The following DDX24 variants were observed in gnomAD, a reference collection of about 807,000 sequenced individuals.
The protein encoded by DDX24 is ATP-dependent RNA helicase DDX24.
In DDX24, 24 loss-of-function variants were observed where a neutral mutation model predicts 68.9. That is an observed-to-expected ratio of 0.35 (90% confidence interval 0.25 to 0.49). The LOEUF (loss-of-function observed/expected upper bound fraction) is 0.49. DDX24 is among the 20% of genes least tolerant of loss of function. DDX24 has a pLI of 0.99. For synonymous variants in DDX24, 395 were observed against 385.2 expected, an observed-to-expected ratio of 1.03 and a Z score of -0.30; for missense variants, 989 against 1,039.0, an observed-to-expected ratio of 0.95 and a Z score of 0.66.
In DDX24 at chr14:94,062,411, G is replaced by T; in HGVS notation, c.929C>A (p.Pro310His). Reference protein sequence around the residue: ...DDTVIESEALPSDIAAEARAK... With the variant: ...DDTVIESEALHSDIAAEARAK... ...TCTGGCCTCGGCTGCAATATCACTG[G>T]GCAGTGCTTCACTCTCAATTACAGT... Residue 310 changes from proline to histidine, a missense_variant, in exon 3 of 9, where the codon CCC (proline) becomes CAC (histidine). Pro to His is a moderately conservative substitution (Grantham distance 77). Coordinates refer to ENST00000621632, the MANE Select transcript of DDX24 (RefSeq NM_020414.4). 1.2e-6 allele frequency: 2 copies of T among 1,614,108 alleles called. No homozygotes were observed. The highest frequency in any genetic ancestry group is 1.7e-6 in the Non-Finnish European group (2 of 1,180,044).
At chr14:94,073,779 C>T (rs1293122703) in intron 2 of DDX24, among the ~76,000 whole-genome samples, 2 of 152,086 alleles carry the variant, frequency 1.3e-5, no homozygotes, top group Admixed American at 6.5e-5. Flanking sequence ...TGTGGCGGCT[C>T]ATGCTTGTAA....
At chr14:94,054,874 A>G (rs1292767025) in intron 7 of DDX24, 122 bp downstream of exon 7, 6 of 1,100,942 alleles carry the variant, frequency 5.4e-6, no homozygotes, top group South Asian at 1.6e-5. Context: ...CTCCTTGTTC[A>G]GCTGTTGGCA....
At position 94,060,983 on chromosome 14, in the gene DDX24, C is replaced by T. The variant is rs749892903; in HGVS notation, c.1327G>A (p.Ala443Thr). ...AATTCCCACAGCCGGCCTGGAGTAG[C>T]AACCACAATCTCAGGACGACGGTTC... ...MLNRRPEIVV[A>T]TPGRLWELIK... The change falls in exon 4 of 9, where the codon GCT becomes ACT. Residue 443 changes from alanine (A) to threonine (T), a missense_variant. By Grantham distance (58) the Ala-to-Thr change is moderately conservative. Transcript: ENST00000621632. The T allele has an allele frequency of 6.2e-7, 1 of 1,614,230 alleles. No individual in the cohort carries two copies. The highest frequency in any genetic ancestry group is 8.5e-7 in the Non-Finnish European group (1 of 1,180,038).
At chr14:94,059,028 G>A (rs998791111) in intron 5 of DDX24, among the ~76,000 whole-genome samples, 24 of 152,096 alleles carry the variant, frequency 1.6e-4, no homozygotes, top group Admixed American at 5.2e-4. Context: ...GAGCCCGTGA[G>A]TTCAAGTCTA....
rs1466654346 is a variant in DDX24 at position 94,079,070 on chromosome 14, G to A, written c.673C>T (p.Pro225Ser). The change falls in exon 2 of 9, where the codon CCT becomes TCT. Residue 225 changes from proline to serine, a missense_variant. By Grantham distance (74) the Pro-to-Ser change is moderately conservative. Around this residue, in one of 3 missense-constraint regions of DDX24, gnomAD observed 295 missense variants for 263.0 expected, o/e 1.12. Coordinates refer to ENST00000621632, the MANE Select transcript of DDX24 (RefSeq NM_020414.4). The stretch of plus-strand genomic sequence containing the variant: ...ATGTCCAGTTTGTCACGGATGGCAG[G>A]TGCCAAGGTCAGGGCTTGGATTGGT... ...PTPIQALTLAPAIRDKLDILG... is the reference protein window; with the variant it reads ...PTPIQALTLASAIRDKLDILG... The A allele has an allele frequency of 5.6e-6, 9 of 1,614,210 alleles. No homozygotes were observed. The highest frequency in any genetic ancestry group is 1.1e-5 in the South Asian group (1 of 91,082).
At position 94,079,153 on chromosome 14, in the gene DDX24, A is replaced by G; in HGVS notation, c.590T>C (p.Leu197Pro). ...TCGGAGAACCGGCCTGGGAACAAAC[A>G]GGTCCTTCCAAGCTGACACATCTGC... ...QKADVSAWKD[L>P]FVPRPVLRAL... The change falls in exon 2 of 9, where the codon CTG (leucine) becomes CCG (proline). Residue 197 changes from leucine (L) to proline (P), a missense_variant. Around this residue, in one of 3 missense-constraint regions of DDX24, gnomAD observed 295 missense variants for 263.0 expected, o/e 1.12. Coordinates refer to ENST00000621632, the MANE Select transcript of DDX24 (RefSeq NM_020414.4). 6.2e-7 allele frequency: 1 copy of G among 1,614,230 alleles called. No homozygotes were observed. The highest frequency in any genetic ancestry group is 8.5e-7 in the Non-Finnish European group (1 of 1,180,044).
chr14:94,070,397 T>C (rs2141432435), intron 2 of DDX24, among the ~76,000 whole-genome samples: 1 of 152,298 alleles, frequency 6.6e-6, no homozygotes, highest in South Asian at 2.1e-4. Flanking sequence ...CCCACGCTCA[T>C]GGATGGGTAA....
In DDX24 at chr14:94,079,509, T is replaced by C. The variant is rs373225618; in HGVS notation, c.234A>G (p.Ala78=). 30 of 1,614,052 alleles carry C rather than the reference T, an allele frequency of 1.9e-5. No individual in the cohort carries two copies. The highest frequency in any genetic ancestry group is 2.3e-5 in the Non-Finnish European group (27 of 1,180,048). The part of the protein sequence containing the change: ...LFSKEAPKRK[A]QAVSEEEEEE... Reference sequence around the variant, plus strand: ...CCTCCTCTTCTTCTGAAACAGCTTGTGCCTTTCTCTTGGGTGCTTCCTTTG... The same window carrying C: ...CCTCCTCTTCTTCTGAAACAGCTTGCGCCTTTCTCTTGGGTGCTTCCTTTG... The change falls in exon 2 of 9, where the codon GCA becomes GCG. Residue 78 remains alanine (A), a synonymous_variant. Coordinates refer to ENST00000621632, the MANE Select transcript of DDX24 (RefSeq NM_020414.4).
chr14:94,051,356 C>T lies in DDX24; in HGVS notation c.2415G>A (p.Gln805=). ...LLSQPLFTES[Q]KTKYPTQSGK... is the part of the protein sequence containing the mutation. ...CAGACTGAGTGGGATACTTGGTTTT[C>T]TGGCTCTCCGTAAACAGTGGCTGGG... Residue 805 remains glutamine (Q), a synonymous_variant, in exon 9 of 9, where the codon CAG becomes CAA. Coordinates refer to ENST00000621632, the MANE Select transcript of DDX24 (RefSeq NM_020414.4). 1 of 1,613,434 alleles carries T rather than the reference C, an allele frequency of 6.2e-7. No individual in the cohort carries two copies. Among genetic ancestry groups the T allele is most frequent in the Non-Finnish European group, 8.5e-7 (1 of 1,179,888 alleles).
chr14:94,050,088 T>C lies in DDX24; in HGVS notation c.*1103A>G, dbSNP rs1885361544. Reference sequence around the variant, plus strand: ...GTATTGTGCCCCGACGAATACCTGTTTGGAAGCCAGACAGCTGTGCAGAAA... The same window carrying C: ...GTATTGTGCCCCGACGAATACCTGTCTGGAAGCCAGACAGCTGTGCAGAAA... On this transcript the variant is annotated 3_prime_UTR_variant, in exon 9 of 9. Coordinates refer to ENST00000621632, the MANE Select transcript of DDX24 (RefSeq NM_020414.4). The C allele has an allele frequency of 6.6e-6, 1 of 152,218 alleles. No individual in the cohort carries two copies. Among genetic ancestry groups the C allele is most frequent in the African/African-American group, 2.4e-5 (1 of 41,428 alleles). 9.4% of individuals were successfully genotyped at this position (152,218 alleles called of 1,614,324 possible).
At position 94,053,103 on chromosome 14, in the gene DDX24, T is replaced by C. The variant is rs1885420330; in HGVS notation, c.2203A>G (p.Ile735Val). ...VKERIRLARQ[I>V]EKSEYRNFQA... Reference sequence around the variant, plus strand: ...AAGTTCCGATACTCAGATTTCTCAATCTGTCGAGCTAAACGGATTCGCTCC... The same window carrying C: ...AAGTTCCGATACTCAGATTTCTCAACCTGTCGAGCTAAACGGATTCGCTCC... Residue 735 changes from isoleucine to valine, a missense_variant, in exon 8 of 9, where the codon ATT (isoleucine) becomes GTT (valine). Transcript: ENST00000621632. 6.2e-7 allele frequency: 1 copy of C among 1,614,222 alleles called. No homozygotes were observed. The highest frequency in any genetic ancestry group is 8.5e-7 in the Non-Finnish European group (1 of 1,180,048).
At chr14:94,064,203 G>A (rs1190301788) in intron 2 of DDX24, among the ~76,000 whole-genome samples, 1 of 152,118 alleles carries the variant, frequency 6.6e-6, no homozygotes, top group Non-Finnish European at 1.5e-5. Flanking sequence ...AAGATAAAAT[G>A]GTATCTATGC....
chr14:94,070,510 T>C lies in DDX24; in HGVS notation c.719-7889A>G, dbSNP rs1422374838. On this transcript the variant is annotated intron_variant, in intron 2 of 8. Coordinates refer to ENST00000621632, the MANE Select transcript of DDX24 (RefSeq NM_020414.4). ...TCTTCACAGAATTAGAAAAAACAAT[T>C]CTAAAATTCATATGGAACCAAAAAA... is the stretch of plus-strand genomic sequence containing the variant. 4.0e-5 allele frequency among the ~76,000 whole-genome samples: 6 copies of C among 151,892 alleles called. 1 individual carries two copies.
At chr14:94,078,915 G>A in intron 2 of DDX24, 110 bp downstream of exon 2, 3 of 1,199,880 alleles carry the variant, frequency 2.5e-6, no homozygotes, top group Non-Finnish European at 2.4e-6. Context: ...ATTCAGCGTT[G>A]CTTTTGTGGT....
At chr14:94,054,570 C>G (rs1208019191) in intron 7 of DDX24, among the ~76,000 whole-genome samples, 1 of 152,180 alleles carries the variant, frequency 6.6e-6, no homozygotes, top group Non-Finnish European at 1.5e-5. Flanking sequence ...GTAAGCGGCA[C>G]CTACCTGGGG....
intron 2 of DDX24, among the ~76,000 whole-genome samples, chr14:94,076,965 G>A (rs927946316): frequency 6.6e-6 from 1 of 152,138 alleles, no homozygotes; most frequent in Admixed American, 6.5e-5. Context: ...TCAAGATGAA[G>A]ATGAACACAT....
At position 94,079,043 on chromosome 14, in the gene DDX24, G is replaced by C. The variant is rs1357771122; in HGVS notation, c.700C>G (p.Leu234Val). 3 of 1,613,696 alleles carry C rather than the reference G, an allele frequency of 1.9e-6. No homozygotes were observed. The highest frequency in any genetic ancestry group is 2.5e-6 in the Non-Finnish European group (3 of 1,179,834). Residue 234 changes from leucine (L) to valine (V), a missense_variant, in exon 2 of 9, where the codon CTT becomes GTT. By Grantham distance (32) the Leu-to-Val change is conservative (BLOSUM62 1). This residue lies in a region of DDX24 where 3 missense variants were observed against 16.0 expected (regional missense o/e 0.19). Coordinates refer to ENST00000621632, the MANE Select transcript of DDX24 (RefSeq NM_020414.4). ...APAIRDKLDILGAAETGSGKT... is the reference protein window; with the variant it reads ...APAIRDKLDIVGAAETGSGKT... ...CCCTTACCTGTCTCAGCAGCCCCAA[G>C]GATGTCCAGTTTGTCACGGATGGCA...
rs1212205816 is a variant in DDX24 at position 94,062,410 on chromosome 14, G to C, written c.930C>G (p.Pro310=). The C allele has an allele frequency of 1.2e-6, 2 of 1,614,150 alleles. No individual in the cohort carries two copies. Among genetic ancestry groups the C allele is most frequent in the African/African-American group, 2.7e-5 (2 of 75,034 alleles). The change falls in exon 3 of 9, where the codon CCC becomes CCG. Residue 310 remains proline, a synonymous_variant. Coordinates refer to ENST00000621632, the MANE Select transcript of DDX24 (RefSeq NM_020414.4). ...CTCTGGCCTCGGCTGCAATATCACT[G>C]GGCAGTGCTTCACTCTCAATTACAG... ...DDTVIESEAL[P]SDIAAEARAK... is the part of the protein sequence containing the mutation.
At chr14:94,054,528 C>A (rs993099559) in intron 7 of DDX24, among the ~76,000 whole-genome samples, 1 of 152,246 alleles carries the variant, frequency 6.6e-6, no homozygotes, top group Non-Finnish European at 1.5e-5. Flanking sequence ...GGAGAACCCA[C>A]CCCACTTTGG....
Sources: gnomAD v4.1 joint callset for allele counts (sites outside exome capture counted in the v4.1 genomes callset) on GRCh38, gnomAD v4.1.1 for gene constraint, gnomAD v4.1.1 regional missense constraint, MANE v1.5 for transcripts, NCBI Gene and HGNC (gene_info 2026-07-23, HGNC 2026-07-21) for gene names.